The following PATJ variants were observed in gnomAD, a reference collection of about 807,000 sequenced individuals.
PATJ encodes PATJ crumbs cell polarity complex component.
Under a neutral mutation model 224.9 loss-of-function variants are expected in PATJ, and 190 were observed. The ratio of observed to expected loss-of-function variants is 0.84; its 90% CI spans 0.75 to 0.95. The LOEUF is 0.95. Among genes scored for constraint, PATJ ranks in the 40% least tolerant of loss-of-function variants. The pLI, the probability that PATJ is intolerant of heterozygous loss-of-function variation, is 0.00. For missense variants in PATJ, 2,121 were observed against 2,270.3 expected, an observed-to-expected ratio of 0.93 and a Z score of 1.34; for synonymous variants, 769 against 820.3, an observed-to-expected ratio of 0.94 and a Z score of 1.07.
Position 62,114,233 on chromosome 1 carries a change from A to G in PATJ, c.4642A>G (p.Ile1548Val). The G allele has an allele frequency of 6.2e-7, 1 of 1,614,052 alleles. No individual in the cohort carries two copies. Reference sequence around the variant, plus strand: ...AGCTGGCCGGGGCCTGGGCCTGAGCATCGTTGGGAAACGGTAAAGACGTGC... The same window carrying G: ...AGCTGGCCGGGGCCTGGGCCTGAGCGTCGTTGGGAAACGGTAAAGACGTGC... ...KKAGRGLGLS[I>V]VGKRNGSGVF... The change falls in exon 35 of 44, where the codon ATC becomes GTC. Residue 1548 changes from isoleucine (I) to valine (V), a missense_variant. Transcript: ENST00000642238.
At chr1:61,780,585 G>A (rs1343045904) in intron 7 of PATJ, among the ~76,000 whole-genome samples, 1 of 152,030 alleles carries the variant, frequency 6.6e-6, no homozygotes, top group Non-Finnish European at 1.5e-5. Flanking sequence ...ATTTTGGGAT[G>A]CCTTTCTTTG....
intron 30 of PATJ, among the ~76,000 whole-genome samples, chr1:62,049,970 A>T (rs1477169527): frequency 1.3e-5 from 2 of 151,948 alleles, no homozygotes; most frequent in Non-Finnish European, 2.9e-5. Context: ...TACAAAAATT[A>T]GCCCGTGTGG....
chr1:62,136,664 TC>T (rs1442964228), intron 41 of PATJ, among the ~76,000 whole-genome samples: 1 of 12,694 alleles, frequency 7.9e-5, no homozygotes, highest in Non-Finnish European at 1.5e-4. Context: ...TGTGTGTGTG[TC>T]TGTGTGTGTG....
chr1:62,102,699 C>T (rs1662329538), intron 33 of PATJ, among the ~76,000 whole-genome samples: 1 of 150,676 alleles, frequency 6.6e-6, no homozygotes, highest in African/African-American at 2.4e-5. Flanking sequence ...CAAAAAATAC[C>T]GAAAAAGCAC....
intron 19 of PATJ, among the ~76,000 whole-genome samples, chr1:61,863,691 G>A (rs951686305): frequency 3.3e-5 from 5 of 152,064 alleles, no homozygotes; most frequent in Non-Finnish European, 7.4e-5. Context: ...CAACACAGAT[G>A]AAAAATAAGA....
rs373657619 is a variant in PATJ at position 62,128,952 on chromosome 1, C to A, written c.5271+7C>A. 1.3e-6 allele frequency: 2 copies of A among 1,570,546 alleles called. No individual in the cohort carries two copies. The highest frequency in any genetic ancestry group is 8.8e-7 in the Non-Finnish European group (1 of 1,141,444). ...CGGGCGCATTATCCTGCAGGTATTGCGATCAACGGAGCACGCAGCTGTGCA... is the reference window on the plus strand; with the variant it reads ...CGGGCGCATTATCCTGCAGGTATTGAGATCAACGGAGCACGCAGCTGTGCA... On this transcript the variant is annotated splice_region_variant and intron_variant, in intron 41 of 43. Coordinates refer to ENST00000642238, the MANE Select transcript of PATJ (RefSeq NM_001350145.3).
chr1:61,970,462 T>A (rs1268397782), intron 27 of PATJ, among the ~76,000 whole-genome samples: 4 of 152,124 alleles, frequency 2.6e-5, no homozygotes, highest in African/African-American at 9.7e-5. Flanking sequence ...TATAATGACA[T>A]GTATCTTACC....
chr1:61,991,416 T>C (rs1645057860), intron 28 of PATJ: 1 of 777,276 alleles, frequency 1.3e-6, no homozygotes, highest in South Asian at 5.9e-5. Context: ...ATGGAGACAC[T>C]GAGTGTTAGA....
At chr1:61,954,744 C>A (rs1019744095) in intron 27 of PATJ, among the ~76,000 whole-genome samples, 2 of 144,002 alleles carry the variant, frequency 1.4e-5, no homozygotes, top group Non-Finnish European at 3.0e-5. Context: ...TATGATATGC[C>A]AAACTCTATT....
intron 31 of PATJ, among the ~76,000 whole-genome samples, chr1:62,058,458 T>A (rs1654895549): frequency 6.6e-6 from 1 of 152,186 alleles, no homozygotes; most frequent in Non-Finnish European, 1.5e-5. Flanking sequence ...CACTTGCTTT[T>A]CCAGATGAAA....
At chr1:62,054,634 A>G (rs1053753193) in intron 31 of PATJ, among the ~76,000 whole-genome samples, 1 of 152,228 alleles carries the variant, frequency 6.6e-6, no homozygotes, top group Non-Finnish European at 1.5e-5. Context: ...TCTGGTATCT[A>G]TTTCAGAAGT....
At position 61,908,357 on chromosome 1, in the gene PATJ, G is replaced by A. The variant is rs1418220106; in HGVS notation, c.3382-15G>A. On this transcript the variant is annotated splice_polypyrimidine_tract_variant and intron_variant, in intron 24 of 43. Transcript: ENST00000642238. Reference sequence around the variant, plus strand: ...AGTGCTGTTCTAATTGAAATAACTTGCTTCTGTGTTTCAGGTGTCTGGAGT... The same window carrying A: ...AGTGCTGTTCTAATTGAAATAACTTACTTCTGTGTTTCAGGTGTCTGGAGT... 2 of 1,557,512 alleles carry A rather than the reference G, an allele frequency of 1.3e-6. No homozygotes were observed. The highest frequency in any genetic ancestry group is 3.3e-5 in the Admixed American group (2 of 59,868).
intron 11 of PATJ, among the ~76,000 whole-genome samples, chr1:61,799,253 C>T (rs754204527): frequency 1.3e-5 from 2 of 152,014 alleles, no homozygotes; most frequent in African/African-American, 2.4e-5. Context: ...AGTGCAATGG[C>T]GCGATCTTGG....
At position 62,162,636 on chromosome 1, in the gene PATJ, CTA is replaced by C. The variant is rs1447958541; in HGVS notation, c.*1585_*1586del. ...AGGGAGAGATGCTTACTGGTGGATGCTATAGAGTCCTCTGTTTTTAAAAGTAC... is the reference window on the plus strand; with the variant it reads ...AGGGAGAGATGCTTACTGGTGGATGCTAGAGTCCTCTGTTTTTAAAAGTAC... On this transcript the variant is annotated 3_prime_UTR_variant, in exon 44 of 44. Transcript: ENST00000642238. The C allele has an allele frequency of 6.5e-6, 1 of 153,070 alleles. No individual in the cohort carries two copies. Among genetic ancestry groups the C allele is most frequent in the Non-Finnish European group, 1.5e-5 (1 of 68,608 alleles). The allele number at this position is 153,070 out of a possible 1,614,324, so 9.5% of individuals were successfully genotyped here.
chr1:62,038,974 G>C, intron 30 of PATJ: 1 of 1,375,282 alleles, frequency 7.3e-7, no homozygotes, highest in East Asian at 2.3e-5. Flanking sequence ...AGTGATATCT[G>C]TTCTAGCCCA....
chr1:61,967,849 G>A (rs959542478), intron 27 of PATJ, among the ~76,000 whole-genome samples: 9 of 151,836 alleles, frequency 5.9e-5, no homozygotes, highest in African/African-American at 1.9e-4. Context: ...TTTCCCTCTC[G>A]TTTATCTTTT....
intron 27 of PATJ, among the ~76,000 whole-genome samples, chr1:61,942,938 T>C (rs1329895296): frequency 6.6e-6 from 1 of 152,172 alleles, no homozygotes; most frequent in Non-Finnish European, 1.5e-5. Flanking sequence ...TGACAACATG[T>C]GTCCACACAA....
chr1:61,961,252 AC>A (rs762866191), intron 27 of PATJ, among the ~76,000 whole-genome samples: 5,115 of 152,298 alleles, frequency 0.034, 115 homozygotes, highest in Non-Finnish European at 0.052. Context: ...ACTCCCACCC[AC>A]TATCGCAGCC....
intron 28 of PATJ, among the ~76,000 whole-genome samples, chr1:62,014,763 C>T (rs952780802): frequency 3.3e-5 from 5 of 151,594 alleles, no homozygotes; most frequent in African/African-American, 1.2e-4. Flanking sequence ...GACAGGGTTT[C>T]ACCATGTTGC....
Sources: allele counts gnomAD v4.1 joint callset (sites outside exome capture counted in the v4.1 genomes callset), GRCh38; gene constraint gnomAD v4.1.1; transcripts MANE v1.5; gene names NCBI Gene and HGNC (gene_info 2026-07-23, HGNC 2026-07-21).